NLGN1: variants seen among roughly 807,000 people sequenced by gnomAD.
NLGN1 encodes neuroligin 1.
In NLGN1, 12 loss-of-function variants were observed where a neutral mutation model predicts 65.5. That is an observed-to-expected ratio of 0.18 (90% CI 0.12 to 0.30). The LOEUF (loss-of-function observed/expected upper bound fraction) is 0.30. NLGN1 is among the 10% of genes least tolerant of loss of function. The pLI, the probability that NLGN1 is intolerant of heterozygous loss-of-function variation, is 1.00. For synonymous variants in NLGN1, 350 were observed against 359.5 expected (o/e 0.97, Z 0.30); for missense variants, 750 against 1,007.1 (o/e 0.74, Z 3.46).
intron 3 of NLGN1, among the ~76,000 whole-genome samples, chr3:173,699,122 C>T (rs1275718182): frequency 6.6e-6 from 1 of 152,118 alleles, no homozygotes; most frequent in East Asian, 1.9e-4. Flanking sequence ...TCCCAAAATG[C>T]TGGGATTACA....
rs181536644 is a variant in NLGN1 at position 173,771,793 on chromosome 3, A to G, written c.494-35887A>G. On this transcript the variant is annotated intron_variant, in intron 3 of 6. Transcript: ENST00000457714. ...TATATATCAAACTTATTTTGTCCATACCGTATTGTAGTGTGGGAGCCTTTC... is the reference window on the plus strand; with the variant it reads ...TATATATCAAACTTATTTTGTCCATGCCGTATTGTAGTGTGGGAGCCTTTC... Among the ~76,000 whole-genome samples, 281 of 152,028 alleles carry G rather than the reference A, an allele frequency of 1.8e-3. 1 individual carries two copies. The highest frequency in any genetic ancestry group is 6.5e-3 in the African/African-American group (270 of 41,544).
chr3:173,961,552 TG>T (rs2152348186), intron 4 of NLGN1, among the ~76,000 whole-genome samples: 1 of 152,228 alleles, frequency 6.6e-6, no homozygotes, highest in South Asian at 2.1e-4. Flanking sequence ...AGTTCATTTT[TG>T]TAAACTACTT....
intron 3 of NLGN1, among the ~76,000 whole-genome samples, chr3:173,742,980 CA>C (rs1223857114): frequency 4.6e-5 from 7 of 152,090 alleles, no homozygotes; most frequent in African/African-American, 1.4e-4. Context: ...CCATAATCTT[CA>C]ATATAGAGAT....
At chr3:173,840,059 A>G (rs966211827) in intron 4 of NLGN1, among the ~76,000 whole-genome samples, 5 of 152,216 alleles carry the variant, frequency 3.3e-5, no homozygotes, top group Admixed American at 1.3e-4. Flanking sequence ...CAACATCGAC[A>G]TATTCAAGGA....
chr3:173,599,128 G>A (rs1487551186), intron 2 of NLGN1, among the ~76,000 whole-genome samples: 1 of 152,072 alleles, frequency 6.6e-6, no homozygotes, highest in Admixed American at 6.6e-5. Flanking sequence ...AGGTAGACTT[G>A]TCTCTTCTTT....
chr3:174,044,075 A>G (rs1394221752), intron 4 of NLGN1, among the ~76,000 whole-genome samples: 2 of 152,142 alleles, frequency 1.3e-5, no homozygotes, highest in Admixed American at 6.5e-5. Context: ...GCCATGGCCT[A>G]GGCTGTATCT....
chr3:174,175,136 A>G (rs9809735), intron 4 of NLGN1, among the ~76,000 whole-genome samples: 23,613 of 151,832 alleles, frequency 0.16, 3,568 homozygotes, highest in African/African-American at 0.4. Context: ...TTTTGAAGGA[A>G]TATCTATTAG....
chr3:174,145,576 A>G (rs1300152809), intron 4 of NLGN1, among the ~76,000 whole-genome samples: 1 of 152,144 alleles, frequency 6.6e-6, no homozygotes, highest in Non-Finnish European at 1.5e-5. Flanking sequence ...AGGCATTGAA[A>G]AACATATATT....
chr3:173,486,220 A>AT (rs1157611434), intron 2 of NLGN1, among the ~76,000 whole-genome samples: 1 of 151,104 alleles, frequency 6.6e-6, no homozygotes, highest in Non-Finnish European at 1.5e-5. Flanking sequence ...TTTTTATTTT[A>AT]TTTTTTTAGC....
intron 2 of NLGN1, among the ~76,000 whole-genome samples, chr3:173,539,620 A>G (rs1738158777): frequency 1.4e-5 from 1 of 70,242 alleles, no homozygotes; most frequent in African/African-American, 4.4e-5. Flanking sequence ...TATATATTAT[A>G]TATTTATATA....
intron 3 of NLGN1, among the ~76,000 whole-genome samples, chr3:173,671,628 A>G (rs377275703): frequency 4.6e-5 from 7 of 152,164 alleles, no homozygotes; most frequent in African/African-American, 1.4e-4. Context: ...CAATCTCCCA[A>G]CACTTTTGCA....
At chr3:173,755,969 G>T (rs935360419) in intron 3 of NLGN1, among the ~76,000 whole-genome samples, 2 of 151,916 alleles carry the variant, frequency 1.3e-5, no homozygotes, top group Non-Finnish European at 2.9e-5. Context: ...GGTAAAATAG[G>T]TTATATTACA....
intron 2 of NLGN1, among the ~76,000 whole-genome samples, chr3:173,465,421 A>G (rs1724182225): frequency 6.6e-6 from 1 of 152,212 alleles, no homozygotes; most frequent in Non-Finnish European, 1.5e-5. Flanking sequence ...TATGGCAGCA[A>G]GGGGCAGAAA....
At chr3:173,727,809 A>G (rs1475942858) in intron 3 of NLGN1, among the ~76,000 whole-genome samples, 1 of 152,116 alleles carries the variant, frequency 6.6e-6, no homozygotes, top group African/African-American at 2.4e-5. Flanking sequence ...GTATTTTTTG[A>G]TGCTGCTAAG....
At chr3:174,269,219 T>C (rs2073482718) in intron 4 of NLGN1, among the ~76,000 whole-genome samples, 1 of 152,020 alleles carries the variant, frequency 6.6e-6, no homozygotes, top group Admixed American at 6.6e-5. Context: ...CATTTTTACA[T>C]ATACTGTTCA....
In NLGN1 at chr3:173,539,624, T is replaced by C. The variant is rs1210970866; in HGVS notation, c.-320-64655T>C. Among the ~76,000 whole-genome samples, 7 of 55,038 alleles carry C rather than the reference T, an allele frequency of 1.3e-4. No individual in the cohort carries two copies. In the East Asian group the frequency reaches 0.01, roughly 82 times the overall value. The allele number at this position is 55,038 out of a possible 152,430, so 36.1% of individuals were successfully genotyped here. On this transcript the variant is annotated intron_variant, in intron 2 of 6. Coordinates refer to ENST00000457714, the Ensembl canonical transcript of NLGN1. ...TATATGTATGTTATATATTATATAT[T>C]TATATATACACATATATACATATAT...
chr3:173,792,158 A>G (rs1438223303), intron 3 of NLGN1, among the ~76,000 whole-genome samples: 1 of 152,118 alleles, frequency 6.6e-6, no homozygotes, highest in Admixed American at 6.6e-5. Context: ...GATGTTTAGC[A>G]AGGAGAGGCA....
intron 4 of NLGN1, among the ~76,000 whole-genome samples, chr3:173,891,733 A>C (rs556279475): frequency 1.3e-5 from 2 of 152,190 alleles, no homozygotes; most frequent in African/African-American, 4.8e-5. Context: ...CTCAAATCCA[A>C]CATAATCAGA....
At chr3:173,735,078 G>A (rs1296446450) in intron 3 of NLGN1, among the ~76,000 whole-genome samples, 1 of 152,076 alleles carries the variant, frequency 6.6e-6, no homozygotes, top group Admixed American at 6.6e-5. Context: ...CTCTGAAGAA[G>A]GGAATGAACT....
Sources: gnomAD v4.1 joint callset for allele counts (sites outside exome capture counted in the v4.1 genomes callset) on GRCh38, gnomAD v4.1.1 for gene constraint, MANE v1.5 for transcripts, NCBI Gene and HGNC (gene_info 2026-07-23, HGNC 2026-07-21) for gene names.